The following BIRC6 variants were observed in gnomAD, a reference collection of about 807,000 sequenced individuals.
BIRC6 encodes baculoviral IAP repeat containing 6, also known as dual E2 ubiquitin-conjugating enzyme/E3 ubiquitin-protein ligase BIRC6.
A neutral mutation model predicts 503.3 loss-of-function variants in BIRC6; 98 were observed. The ratio of observed to expected loss-of-function variants is 0.19; its 90% CI spans 0.17 to 0.23. The LOEUF (loss-of-function observed/expected upper bound fraction) is 0.23. BIRC6 is among the 10% of genes least tolerant of loss of function. The pLI is 1.00. For synonymous variants in BIRC6, 2,240 were observed against 2,078.7 expected (o/e 1.08, Z -2.11); for missense variants, 5,360 against 5,806.0 (o/e 0.92, Z 2.50).
chr2:32,492,792 A>G (rs1375187779), intron 44 of BIRC6, among the ~76,000 whole-genome samples: 2 of 152,046 alleles, frequency 1.3e-5, no homozygotes, highest in East Asian at 3.8e-4. Flanking sequence ...TATAATTTGT[A>G]TGCTCAGTAT....
At chr2:32,544,764 C>G (rs908336984) in intron 62 of BIRC6, among the ~76,000 whole-genome samples, 1 of 150,142 alleles carries the variant, frequency 6.7e-6, no homozygotes, top group African/African-American at 2.5e-5. Context: ...AACAAAAATC[C>G]CTCATAAATG....
In BIRC6 at chr2:32,575,268, C is replaced by A; in HGVS notation, c.13257C>A (p.Asn4419Lys). 6.2e-7 allele frequency: 1 copy of A among 1,613,922 alleles called. No homozygotes were observed. Among genetic ancestry groups the A allele is most frequent in the Non-Finnish European group, 8.5e-7 (1 of 1,179,866 alleles). ...VPLLLPLSTE[N>K]GEEEEEQSEC... ...TATTGTTGCCCCTTTCTACAGAGAA[C>A]GGTGAAGAGGAAGAAGAACAGTCAG... The change falls in exon 66 of 74, where the codon AAC (asparagine) becomes AAA (lysine). Residue 4419 changes from asparagine (N) to lysine (K), a missense_variant. By Grantham distance (94) the Asn-to-Lys change is moderately conservative (BLOSUM62 0). Transcript: ENST00000421745.
chr2:32,357,578 G>A lies in BIRC6; in HGVS notation c.325+92G>A, dbSNP rs1172761683. 2 of 1,498,186 alleles carry A rather than the reference G, an allele frequency of 1.3e-6. No individual in the cohort carries two copies. The highest frequency in any genetic ancestry group is 1.8e-6 in the Non-Finnish European group (2 of 1,129,718). 92.8% of individuals were successfully genotyped at this position (1,498,186 alleles called of 1,614,324 possible). A position where few individuals can be genotyped will look rare whatever the true frequency, so the allele number is the denominator to read the frequency against. On this transcript the variant is annotated intron_variant, in intron 1 of 73. Transcript: ENST00000421745. This position sits in a 1 kb window ranked among gnomAD's most constrained non-coding sequence, Gnocchi z 4.9. ...CCTCGCGACTCGGGGAAGCGAGATG[G>A]CGAGAGGGCAGGGCTGGGGGTTCGG...
intron 1 of BIRC6, among the ~76,000 whole-genome samples, chr2:32,363,735 A>C (rs1245226963): frequency 1.3e-5 from 2 of 152,122 alleles, no homozygotes; most frequent in Non-Finnish European, 2.9e-5. Context: ...TCATCTGTAA[A>C]TTAAGATTAA....
At chr2:32,590,656 T>A (rs1249673259) in intron 66 of BIRC6, 1 of 325,080 alleles carries the variant, frequency 3.1e-6, no homozygotes, top group Non-Finnish European at 4.4e-6. Context: ...TTGCCCATTT[T>A]GCTCACATCC....
chr2:32,506,240 A>T (rs147374294), intron 50 of BIRC6, among the ~76,000 whole-genome samples: 3 of 152,308 alleles, frequency 2.0e-5, no homozygotes, highest in African/African-American at 7.2e-5. Flanking sequence ...ACATTTATTG[A>T]TTGATTCTCA....
intron 73 of BIRC6, among the ~76,000 whole-genome samples, chr2:32,613,778 A>G (rs575282741): frequency 2.6e-5 from 4 of 152,318 alleles, no homozygotes; most frequent in South Asian, 2.1e-4. Context: ...TCTGTAGACT[A>G]TCTTGGCTTT....
intron 1 of BIRC6, among the ~76,000 whole-genome samples, chr2:32,369,744 G>A (rs1386400402): frequency 1.3e-5 from 2 of 150,570 alleles, no homozygotes; most frequent in African/African-American, 2.4e-5. Flanking sequence ...ATTTACAGAC[G>A]GTTAAGGGTT....
Position 32,499,953 on chromosome 2 carries a change from A to G in BIRC6, c.8875A>G (p.Lys2959Glu). The change falls in exon 46 of 74, where the codon AAA becomes GAA. Residue 2959 changes from lysine to glutamate, a missense_variant. By Grantham distance (56) the Lys-to-Glu change is moderately conservative. Transcript: ENST00000421745. ...NTTDSVSDEE[K>E]VSGGKDGNGS... Reference sequence around the variant, plus strand: ...AACAGATAGTGTTTCAGATGAAGAAAAAGTCTCAGGAGGCAAAGATGGCAA... The same window carrying G: ...AACAGATAGTGTTTCAGATGAAGAAGAAGTCTCAGGAGGCAAAGATGGCAA... 2 of 1,614,022 alleles carry G rather than the reference A, an allele frequency of 1.2e-6. No individual in the cohort carries two copies. The highest frequency in any genetic ancestry group is 1.7e-6 in the Non-Finnish European group (2 of 1,179,886).
chr2:32,570,832 C>G (rs1383115901), intron 65 of BIRC6, among the ~76,000 whole-genome samples: 1 of 152,056 alleles, frequency 6.6e-6, no homozygotes, highest in Admixed American at 6.6e-5. Flanking sequence ...AGGTCTTGCT[C>G]TGTTGCCCAG....
At chr2:32,529,899 A>G (rs2056587531) in intron 60 of BIRC6, 75 bp downstream of exon 60, 1 of 966,268 alleles carries the variant, frequency 1.0e-6, no homozygotes, top group South Asian at 3.6e-5. Context: ...CTAATGACTT[A>G]ATTGACTTGT....
chr2:32,611,136 T>C lies in BIRC6; in HGVS notation c.14260-312T>C, dbSNP rs184288730. The stretch of plus-strand genomic sequence containing the variant: ...TTTTTTTTTGTTTGAGATGGAGGCT[T>C]GCTCTGTCGCCCAGGCTGGAGTGCA... On this transcript the variant is annotated intron_variant, in intron 72 of 73. Transcript: ENST00000421745. Among the ~76,000 whole-genome samples, 230 of 147,976 alleles carry C rather than the reference T, an allele frequency of 1.6e-3. 12 individuals carry two copies. The highest frequency in any genetic ancestry group is 0.015 in the Admixed American group (186 of 12,466).
In BIRC6 at chr2:32,453,838, C is replaced by T. The variant is rs775469388; in HGVS notation, c.4649C>T (p.Ala1550Val). ...GGAAAGGTCAGTAGTTGCACAGCTG[C>T]TGAGGGTAGTTTCACATCTCTCACT... ...GNGKVSSCTA[A>V]EGSFTSLTGL... The change falls in exon 23 of 74, where the codon GCT becomes GTT. Residue 1550 changes from alanine to valine, a missense_variant. This residue lies in a region of BIRC6 where 2,299 missense variants were observed against 2,267.2 expected (regional missense o/e 1.01). Coordinates refer to ENST00000421745, the MANE Select transcript of BIRC6 (RefSeq NM_016252.4). The T allele has an allele frequency of 6.2e-7, 1 of 1,613,766 alleles. No homozygotes were observed.
In BIRC6 at chr2:32,525,002, G is replaced by A. The variant is rs773582085; in HGVS notation, c.11738G>A (p.Ser3913Asn). The A allele has an allele frequency of 1.3e-6, 2 of 1,562,960 alleles. No homozygotes were observed. The highest frequency in any genetic ancestry group is 1.7e-6 in the Non-Finnish European group (2 of 1,159,070). Reference protein sequence around the residue: ...KAENGFQDNYSVVVASGLKSQ... With the variant: ...KAENGFQDNYNVVVASGLKSQ... ...GAAAATGGATTTCAAGACAATTACAGTGTTGTTGTTGCCTCTGGTATGCTT... is the reference window on the plus strand; with the variant it reads ...GAAAATGGATTTCAAGACAATTACAATGTTGTTGTTGCCTCTGGTATGCTT... Residue 3913 changes from serine to asparagine, a missense_variant, in exon 58 of 74, where the codon AGT becomes AAT. Around this residue, in one of 16 missense-constraint regions of BIRC6, gnomAD observed 878 missense variants for 928.9 expected, o/e 0.95. Coordinates refer to ENST00000421745, the MANE Select transcript of BIRC6 (RefSeq NM_016252.4).
intron 1 of BIRC6, among the ~76,000 whole-genome samples, chr2:32,373,574 A>G (rs189550081): frequency 2.8e-4 from 42 of 152,324 alleles, no homozygotes; most frequent in Non-Finnish European, 4.4e-4. Flanking sequence ...TATACAAAAT[A>G]CAACAACGGA....
chr2:32,457,293 A>T (rs1338462059), intron 23 of BIRC6, among the ~76,000 whole-genome samples: 2 of 152,164 alleles, frequency 1.3e-5, no homozygotes, highest in South Asian at 4.1e-4. Flanking sequence ...GGGAGAATTT[A>T]ATTCAGTTAC....
Position 32,441,340 on chromosome 2 carries a change from T to A in BIRC6, c.3822T>A (p.Ser1274=). The A allele has an allele frequency of 6.4e-7, 1 of 1,572,148 alleles. No individual in the cohort carries two copies. Among genetic ancestry groups the A allele is most frequent in the Non-Finnish European group, 8.7e-7 (1 of 1,150,740 alleles). ...TTTGTAATGTTTAGGAAAAATCATC[T>A]AATGTTAAGAATGAAAATACAAGTG... ...AKVAAGKEKS[S]NVKNENTSGT... The change falls in exon 17 of 74, where the codon TCT becomes TCA. Residue 1274 remains serine (S), a synonymous_variant. Coordinates refer to ENST00000421745, the MANE Select transcript of BIRC6 (RefSeq NM_016252.4).
intron 28 of BIRC6, 69 bp downstream of exon 28, chr2:32,468,180 C>A (rs2048756250): frequency 6.8e-7 from 1 of 1,474,274 alleles, no homozygotes; most frequent in Non-Finnish European, 9.3e-7. Flanking sequence ...GCTTATAATT[C>A]TGTCAAGAAA....
In BIRC6 at chr2:32,515,139, GTCA is replaced by G. The variant is rs2054895135; in HGVS notation, c.10723_10725del (p.His3575del). On this transcript the variant is annotated inframe_deletion, in exon 55 of 74. Transcript: ENST00000421745. ...GGAATTACCCCTCCTCCAGTGCAAT[GTCA>G]TCATAGACTGTCCATGACAGATGAT... The G allele has an allele frequency of 6.2e-7, 1 of 1,613,952 alleles. No individual in the cohort carries two copies. The highest frequency in any genetic ancestry group is 8.5e-7 in the Non-Finnish European group (1 of 1,179,888).
Sources: allele counts gnomAD v4.1 joint callset (sites outside exome capture counted in the v4.1 genomes callset), GRCh38; gene constraint gnomAD v4.1.1; regional missense constraint gnomAD v4.1.1; non-coding constraint Gnocchi (gnomAD v3.1); transcripts MANE v1.5; gene names NCBI Gene and HGNC (gene_info 2026-07-23, HGNC 2026-07-21).